SEMA5A: variants seen among roughly 807,000 people sequenced by gnomAD.
SEMA5A encodes the protein semaphorin 5A, also known as semaphorin-5A.
In SEMA5A, 55 loss-of-function variants were observed where a neutral mutation model predicts 135.5. The observed-to-expected ratio is 0.41, with a 90% CI of 0.33 to 0.51. SEMA5A has a LOEUF of 0.51. Ranked by LOEUF, SEMA5A falls within the 20% of genes least tolerant of loss-of-function variation. The probability of loss-of-function intolerance (pLI) is 0.37; values close to 1 mark genes in which losing one functional copy is unlikely to be tolerated. For synonymous variants in SEMA5A, 580 were observed against 546.5 expected, an observed-to-expected ratio of 1.06 and a Z score of -0.85; for missense variants, 1,290 against 1,419.9, an observed-to-expected ratio of 0.91 and a Z score of 1.47.
intron 3 of SEMA5A, among the ~76,000 whole-genome samples, chr5:9,358,365 T>A (rs936584145): frequency 2.0e-5 from 3 of 152,176 alleles, no homozygotes; most frequent in Non-Finnish European, 4.4e-5. Context: ...TCCCTTGACT[T>A]CCCTTTCCTT....
intron 5 of SEMA5A, among the ~76,000 whole-genome samples, chr5:9,293,636 TTG>T (rs1266295344): frequency 1.3e-5 from 2 of 152,352 alleles, no homozygotes; most frequent in South Asian, 2.1e-4. Flanking sequence ...CCTGTTGCAC[TTG>T]TGTTATTTGA....
rs1736009098 is a variant in SEMA5A, at chr5:9,042,388, T to G, written c.*509A>C. ...AGCTGCTTCCAAGAATCCCACAGCT[T>G]TATCCAGATTTGGAAAGTTGGGCAA... is the stretch of plus-strand genomic sequence containing the variant. On this transcript the variant is annotated 3_prime_UTR_variant, in exon 23 of 23. Coordinates refer to ENST00000382496, the MANE Select transcript of SEMA5A (RefSeq NM_003966.3). 1 of 156,414 alleles carries G rather than the reference T, an allele frequency of 6.4e-6. No homozygotes were observed. Among genetic ancestry groups the G allele is most frequent in the Non-Finnish European group, 1.4e-5 (1 of 71,234 alleles). 9.7% of individuals were successfully genotyped at this position (156,414 alleles called of 1,614,324 possible). A position where few individuals can be genotyped will look rare whatever the true frequency, so the allele number is the denominator to read the frequency against.
chr5:9,458,438 C>T (rs1195611696), intron 1 of SEMA5A, among the ~76,000 whole-genome samples: 2 of 152,154 alleles, frequency 1.3e-5, no homozygotes, highest in African/African-American at 4.8e-5. Flanking sequence ...TGAACATTTG[C>T]CAATGACACT....
intron 18 of SEMA5A, among the ~76,000 whole-genome samples, chr5:9,056,010 G>A (rs760518187): frequency 2.6e-4 from 40 of 152,044 alleles, no homozygotes; most frequent in Non-Finnish European, 4.1e-4. Flanking sequence ...ATACACCAGG[G>A]CAAAAATAAG....
At chr5:9,176,148 C>T (rs529097123) in intron 11 of SEMA5A, among the ~76,000 whole-genome samples, 1 of 152,226 alleles carries the variant, frequency 6.6e-6, no homozygotes, top group Admixed American at 6.5e-5. Flanking sequence ...CTTGGATGAG[C>T]CTGACTTAAT....
chr5:9,232,163 GT>G lies in SEMA5A; in HGVS notation c.334-5197del, dbSNP rs958115445. On this transcript the variant is annotated intron_variant, in intron 6 of 22. Transcript: ENST00000382496. ...GGCTGTTTTCTTAATGAATTAATTG[GT>G]TTTGTCATATAGCATTTCATGATTT... 2.0e-5 allele frequency among the ~76,000 whole-genome samples: 3 copies of G among 152,234 alleles called. No homozygotes were observed. In the South Asian group the frequency reaches 6.2e-4, roughly 32 times the overall value.
chr5:9,299,809 G>A (rs1426471144), intron 5 of SEMA5A, among the ~76,000 whole-genome samples: 7 of 152,118 alleles, frequency 4.6e-5, no homozygotes, highest in Non-Finnish European at 7.3e-5. Flanking sequence ...AAATGGCACA[G>A]ACAAAAGCCA....
intron 5 of SEMA5A, among the ~76,000 whole-genome samples, chr5:9,252,194 G>C (rs944510366): frequency 2.0e-5 from 3 of 152,122 alleles, no homozygotes; most frequent in Non-Finnish European, 2.9e-5. Context: ...GGAAAGCGGG[G>C]AATGAAATGG....
intron 16 of SEMA5A, among the ~76,000 whole-genome samples, chr5:9,067,015 T>C (rs1304869066): frequency 1.3e-5 from 2 of 152,178 alleles, no homozygotes; most frequent in Non-Finnish European, 2.9e-5. Flanking sequence ...CTTTAAAAGA[T>C]TGATTTGTAA....
chr5:9,360,682 A>G (rs1754653333), intron 3 of SEMA5A, among the ~76,000 whole-genome samples: 1 of 152,258 alleles, frequency 6.6e-6, no homozygotes, highest in East Asian at 1.9e-4. Flanking sequence ...GCTGAGCAAC[A>G]CAGTGGGTAT....
chr5:9,410,399 T>C (rs1561230859), intron 2 of SEMA5A, among the ~76,000 whole-genome samples: 1 of 152,228 alleles, frequency 6.6e-6, no homozygotes, highest in African/African-American at 2.4e-5. Flanking sequence ...TGGGGCTGTT[T>C]TACTGCGTGA....
intron 4 of SEMA5A, among the ~76,000 whole-genome samples, chr5:9,321,938 C>G (rs191134897): frequency 2.0e-5 from 3 of 152,128 alleles, no homozygotes; most frequent in Non-Finnish European, 2.9e-5. Flanking sequence ...AAAGGAAGAG[C>G]TGGAAGTGCA....
At position 9,545,032 on chromosome 5, in the gene SEMA5A, C is replaced by T. The variant is rs1303369651; in HGVS notation, c.-175+552G>A. Among the ~76,000 whole-genome samples the T allele has an allele frequency of 6.6e-6, 1 of 152,212 alleles. No individual in the cohort carries two copies. The highest frequency in any genetic ancestry group is 1.9e-4 in the East Asian group (1 of 5,170). On this transcript the variant is annotated intron_variant, in intron 1 of 22. Transcript: ENST00000382496. This position sits in a 1 kb window ranked among gnomAD's most constrained non-coding sequence, Gnocchi z 4.5. ...TGGTTCCCCAGGCCTCTGCATCCCCCGCCTTAGTGTCTTTCATTAACCAAG... is the reference window on the plus strand; with the variant it reads ...TGGTTCCCCAGGCCTCTGCATCCCCTGCCTTAGTGTCTTTCATTAACCAAG...
intron 1 of SEMA5A, among the ~76,000 whole-genome samples, chr5:9,491,016 C>A (rs1734973585): frequency 6.6e-6 from 1 of 152,106 alleles, no homozygotes; most frequent in African/African-American, 2.4e-5. Context: ...GTTGTCCAAA[C>A]CCATGGGCAA....
intron 2 of SEMA5A, among the ~76,000 whole-genome samples, chr5:9,390,660 A>C (rs1756120748): frequency 6.6e-6 from 1 of 152,062 alleles, no homozygotes; most frequent in Non-Finnish European, 1.5e-5. Flanking sequence ...AGTTAATTAG[A>C]GTTTGTCACA....
At chr5:9,109,931 T>G (rs1440454644) in intron 15 of SEMA5A, among the ~76,000 whole-genome samples, 3 of 152,048 alleles carry the variant, frequency 2.0e-5, no homozygotes, top group South Asian at 2.1e-4. Context: ...TGAATGCTGG[T>G]AAGATGGAAC....
intron 1 of SEMA5A, among the ~76,000 whole-genome samples, chr5:9,535,220 C>T (rs905161826): frequency 3.3e-5 from 5 of 152,210 alleles, no homozygotes; most frequent in Non-Finnish European, 5.9e-5. Flanking sequence ...CATTCGCAGG[C>T]GTAAGCTTTC....
At chr5:9,278,297 G>T (rs1750369426) in intron 5 of SEMA5A, among the ~76,000 whole-genome samples, 1 of 152,136 alleles carries the variant, frequency 6.6e-6, no homozygotes, top group South Asian at 2.1e-4. Flanking sequence ...TCTGGTGGAA[G>T]ACATTTCTAA....
chr5:9,382,101 A>G (rs976075586), intron 2 of SEMA5A, among the ~76,000 whole-genome samples: 3 of 151,908 alleles, frequency 2.0e-5, no homozygotes, highest in Non-Finnish European at 2.9e-5. Flanking sequence ...TTCGAGACCA[A>G]CCTGGGAAAT....
Sources: gnomAD v4.1 joint callset for allele counts (sites outside exome capture counted in the v4.1 genomes callset) on GRCh38, gnomAD v4.1.1 for gene constraint, Gnocchi (gnomAD v3.1) non-coding constraint, MANE v1.5 for transcripts, NCBI Gene and HGNC (gene_info 2026-07-23, HGNC 2026-07-21) for gene names.